SAMD12: variants seen among roughly 807,000 people sequenced by gnomAD.
The protein encoded by SAMD12 is sterile alpha motif domain containing 12.
A neutral mutation model predicts 15.0 loss-of-function variants in SAMD12; 9 were observed. The observed-to-expected ratio is 0.60, with a 90% CI of 0.36 to 1.05. The LOEUF is 1.05. SAMD12 is among the 50% of genes least tolerant of loss of function. The probability of loss-of-function intolerance (pLI) is 0.01; values close to 1 mark genes in which losing one functional copy is unlikely to be tolerated. For synonymous variants in SAMD12, 86 were observed against 90.1 expected, an observed-to-expected ratio of 0.96 and a Z score of 0.25; for missense variants, 230 against 234.2, an observed-to-expected ratio of 0.98 and a Z score of 0.12.
At chr8:118,161,032 G>C in the SAMD12 span, among the ~76,000 whole-genome samples, 4 of 152,132 alleles carry the variant, frequency 2.6e-5, no homozygotes, top group African/African-American at 9.7e-5. Flanking sequence ...CTATGAGTGA[G>C]AACATGCGGT....
At position 118,446,273 on chromosome 8, in the gene SAMD12, ATAT is replaced by A. The variant is rs1822909105; in HGVS notation, c.193-6315_193-6313del. ...TTTTCTCTTAATTTGCCCACACTGA[ATAT>A]TATTAATGGACTTTAAAATTTCTAA... On this transcript the variant is annotated intron_variant, in intron 2 of 3. Transcript: ENST00000314727. 2.0e-5 allele frequency among the ~76,000 whole-genome samples: 3 copies of A among 151,754 alleles called. No individual in the cohort carries two copies. In the South Asian group the frequency reaches 6.3e-4, roughly 32 times the overall value.
intron 2 of SAMD12, among the ~76,000 whole-genome samples, chr8:118,530,800 G>A (rs1468682827): frequency 6.6e-6 from 1 of 152,134 alleles, no homozygotes; most frequent in Non-Finnish European, 1.5e-5. Context: ...ATGAGCTTTT[G>A]CTAGGTTTTC....
chr8:118,363,460 G>C (rs1818605461), intron 4 of SAMD12, among the ~76,000 whole-genome samples: 1 of 152,182 alleles, frequency 6.6e-6, no homozygotes, highest in Non-Finnish European at 1.5e-5. Flanking sequence ...TTGCCTGACT[G>C]CCTTGAGCTG....
intron 3 of SAMD12, among the ~76,000 whole-genome samples, chr8:118,431,922 C>T (rs951924609): frequency 2.0e-5 from 3 of 152,064 alleles, no homozygotes; most frequent in Non-Finnish European, 4.4e-5. Flanking sequence ...CTTGGATGTT[C>T]TGCTCTGTTG....
In SAMD12 at chr8:118,437,696, C is replaced by T. The variant is rs1048260131; in HGVS notation, c.322+2136G>A. 2.0e-5 allele frequency among the ~76,000 whole-genome samples: 3 copies of T among 152,056 alleles called. No individual in the cohort carries two copies. The East Asian group carries it at 5.8e-4, about 29-fold the overall frequency. On this transcript the variant is annotated intron_variant, in intron 3 of 3. Coordinates refer to ENST00000314727, the MANE Select transcript of SAMD12 (RefSeq NM_207506.3). ...AATACCTGGTATGTTTCATGAAGAC[C>T]AAGTCTGCCACCAAAAGCATACGAC...
intron 4 of SAMD12, among the ~76,000 whole-genome samples, chr8:118,274,684 T>G (rs1813433589): frequency 6.6e-6 from 1 of 152,202 alleles, no homozygotes. Flanking sequence ...ATTTGTAAAC[T>G]TTGTATATAA....
At chr8:118,198,894 T>TA (rs61305145) in intron 4 of SAMD12, among the ~76,000 whole-genome samples, 6,252 of 151,622 alleles carry the variant, frequency 0.041, 283 homozygotes, top group African/African-American at 0.11. Flanking sequence ...GGAAATAATC[T>TA]AAAAAAAAGA....
chr8:118,304,752 T>G (rs1468369112), intron 4 of SAMD12, among the ~76,000 whole-genome samples: 1 of 127,394 alleles, frequency 7.8e-6, no homozygotes, highest in Non-Finnish European at 1.7e-5. Flanking sequence ...AGAACGAGAC[T>G]CCATCTCATA....
chr8:118,329,421 A>G (rs1258172757), intron 4 of SAMD12, among the ~76,000 whole-genome samples: 2 of 152,210 alleles, frequency 1.3e-5, no homozygotes, highest in Non-Finnish European at 2.9e-5. Flanking sequence ...AATCATTTTA[A>G]AAATTAGTAT....
chr8:118,540,555 T>C (rs1449834046), intron 2 of SAMD12, among the ~76,000 whole-genome samples: 1 of 152,184 alleles, frequency 6.6e-6, no homozygotes, highest in Non-Finnish European at 1.5e-5. Context: ...TCAAGGTTGA[T>C]GGAAAGTTAA....
intron 2 of SAMD12, among the ~76,000 whole-genome samples, chr8:118,472,106 T>C (rs1563880929): frequency 6.6e-6 from 1 of 151,884 alleles, no homozygotes; most frequent in East Asian, 1.9e-4. Flanking sequence ...GCTAACACGG[T>C]GAAACCCTGT....
chr8:118,137,908 A>G, the SAMD12 span, among the ~76,000 whole-genome samples: 7 of 140,560 alleles, frequency 5.0e-5, no homozygotes, highest in Non-Finnish European at 1.1e-4. Context: ...CAAATATTAA[A>G]AATACACATG....
chr8:118,305,489 A>C (rs7820498), intron 4 of SAMD12, among the ~76,000 whole-genome samples: 73,034 of 152,054 alleles, frequency 0.48, 20,076 homozygotes, highest in African/African-American at 0.77. Context: ...CTGAATATTT[A>C]ATTGTATGTA....
At chr8:118,554,489 C>T (rs1826459207) in intron 2 of SAMD12, among the ~76,000 whole-genome samples, 2 of 143,210 alleles carry the variant, frequency 1.4e-5, no homozygotes, top group South Asian at 4.3e-4. Flanking sequence ...ACAATGAGAA[C>T]ACATGGACAC....
At chr8:118,367,761 C>T (rs1208120351) in intron 4 of SAMD12, among the ~76,000 whole-genome samples, 1 of 152,100 alleles carries the variant, frequency 6.6e-6, no homozygotes, top group Non-Finnish European at 1.5e-5. Context: ...AAGGATCATT[C>T]CTGATAGAAA....
At chr8:118,386,913 T>TG (rs757767632) in intron 3 of SAMD12, among the ~76,000 whole-genome samples, 4 of 152,198 alleles carry the variant, frequency 2.6e-5, no homozygotes, top group African/African-American at 4.8e-5. Flanking sequence ...TGCATGTGGT[T>TG]GGGGGGTGCC....
At chr8:118,179,933 G>A in the SAMD12 span, among the ~76,000 whole-genome samples, 21 of 152,308 alleles carry the variant, frequency 1.4e-4, no homozygotes, top group Middle Eastern at 3.4e-3. Flanking sequence ...GCTTAGCGTG[G>A]CCACTGAAGA....
At chr8:118,580,584 A>G in intron 2 of SAMD12, 131 bp downstream of exon 2, 1 of 655,230 alleles carries the variant, frequency 1.5e-6, no homozygotes, top group South Asian at 2.0e-5. Context: ...TATCCGCAAG[A>G]TACAGTGCTC....
At chr8:118,292,900 G>A (rs1205866765) in intron 4 of SAMD12, among the ~76,000 whole-genome samples, 2 of 125,448 alleles carry the variant, frequency 1.6e-5, no homozygotes, top group African/African-American at 6.1e-5. Flanking sequence ...GGGGACTGTG[G>A]TGGGGTGGGG....
Sources: gnomAD v4.1 joint callset for allele counts (sites outside exome capture counted in the v4.1 genomes callset) on GRCh38, gnomAD v4.1.1 for gene constraint, MANE v1.5 for transcripts, NCBI Gene and HGNC (gene_info 2026-07-23, HGNC 2026-07-21) for gene names.